The following CR1 variants were observed in gnomAD, a reference collection of about 807,000 sequenced individuals.
CR1 encodes complement receptor type 1.
Under a neutral mutation model 187.3 loss-of-function variants are expected in CR1, and 116 were observed. The observed-to-expected ratio is 0.62, with a 90% CI of 0.53 to 0.72. The LOEUF (loss-of-function observed/expected upper bound fraction) is 0.72. Ranked by LOEUF, CR1 falls within the 30% of genes least tolerant of loss-of-function variation. The probability of loss-of-function intolerance (pLI) is 0.00; values close to 1 mark genes in which losing one functional copy is unlikely to be tolerated. For missense variants in CR1, 1,731 were observed against 2,110.7 expected, an observed-to-expected ratio of 0.82 and a Z score of 3.52; for synonymous variants, 576 against 747.1, an observed-to-expected ratio of 0.77 and a Z score of 3.73.
chr1:207,573,434 T>C (rs528455882), intron 27 of CR1, among the ~76,000 whole-genome samples: 1 of 152,258 alleles, frequency 6.6e-6, no homozygotes, highest in African/African-American at 2.4e-5. Context: ...TTCCTGACTG[T>C]ACCCTACTCA....
intron 40 of CR1, 121 bp downstream of exon 40, chr1:207,614,610 C>T (rs1662041940): frequency 1.5e-6 from 1 of 688,438 alleles, no homozygotes; most frequent in Non-Finnish European, 2.4e-6. Context: ...GATAAAAATA[C>T]TTCTTTGTTG....
chr1:207,613,323 T>A (rs1006276977), intron 39 of CR1, among the ~76,000 whole-genome samples: 1 of 152,150 alleles, frequency 6.6e-6, no homozygotes, highest in African/African-American at 2.4e-5. Flanking sequence ...CTGTGCTGAT[T>A]GGTTTGTGAC....
At chr1:207,623,369 G>A (rs1037012672) in intron 45 of CR1, among the ~76,000 whole-genome samples, 9 of 152,080 alleles carry the variant, frequency 5.9e-5, no homozygotes, top group African/African-American at 2.2e-4. Flanking sequence ...ATCACTAGAG[G>A]CCAGGGGTTC....
intron 35 of CR1, among the ~76,000 whole-genome samples, chr1:207,589,834 T>C (rs1477563513): frequency 6.6e-6 from 1 of 152,186 alleles, no homozygotes; most frequent in African/African-American, 2.4e-5. Flanking sequence ...CAAGTATCAA[T>C]AGCCGAATCG....
chr1:207,524,187 G>C (rs151057565), intron 5 of CR1, among the ~76,000 whole-genome samples, 178 bp downstream of exon 5: 1 of 152,126 alleles, frequency 6.6e-6, no homozygotes, highest in African/African-American at 2.4e-5. Flanking sequence ...CTGAAATTGC[G>C]AAGCAAAGCT....
intron 41 of CR1, among the ~76,000 whole-genome samples, chr1:207,617,634 G>T (rs1346378602): frequency 5.3e-4 from 36 of 68,132 alleles, no homozygotes; most frequent in African/African-American, 1.2e-3. Context: ...GAGAGAGAGA[G>T]AGAGAGAGAG....
At chr1:207,600,094 T>C (rs1661563446) in intron 35 of CR1, among the ~76,000 whole-genome samples, 1 of 152,252 alleles carries the variant, frequency 6.6e-6, no homozygotes, top group Admixed American at 6.5e-5. Flanking sequence ...AGTGGAAAAA[T>C]AGCCCTAGAC....
chr1:207,631,616 C>A (rs1038461134), intron 46 of CR1, among the ~76,000 whole-genome samples: 4 of 152,184 alleles, frequency 2.6e-5, no homozygotes, highest in Admixed American at 6.5e-5. Context: ...TTGTTCAAAT[C>A]TTTACTGCAT....
At position 207,580,568 on chromosome 1, in the gene CR1, T is replaced by G. The variant is rs1325680043; in HGVS notation, c.5171T>G (p.Leu1724Arg). The stretch of plus-strand genomic sequence containing the variant: ...CCTCATGGCCGTGTGCTATTTCCAC[T>G]TAATCTCCAGCTTGGGGCAAAGGTG... ...QLPHGRVLFP[L>R]NLQLGAKVSF... Residue 1724 changes from leucine to arginine, a missense_variant, in exon 31 of 47, where the codon CTT becomes CGT. This residue lies in a region of CR1 where 1,312 missense variants were observed against 1,379.6 expected (regional missense o/e 0.95). Coordinates refer to ENST00000367049, the MANE Select transcript of CR1 (RefSeq NM_000651.6). 1 of 1,613,736 alleles carries G rather than the reference T, an allele frequency of 6.2e-7. No homozygotes were observed. Among genetic ancestry groups the G allele is most frequent in the East Asian group, 2.2e-5 (1 of 44,872 alleles).
intron 40 of CR1, among the ~76,000 whole-genome samples, chr1:207,615,924 A>G (rs11576522): frequency 0.48 from 72,656 of 152,106 alleles, 20,146 homozygotes; most frequent in Non-Finnish European, 0.62. Context: ...CTAAATTCAT[A>G]TCAAACTAGA....
chr1:207,496,459 T>C (rs1659088973), intron 1 of CR1, 71 bp downstream of exon 1: 2 of 1,483,802 alleles, frequency 1.3e-6, no homozygotes, highest in Non-Finnish European at 1.8e-6. Flanking sequence ...AGAACTCGCG[T>C]GCAGCGCTGA....
At chr1:207,622,446 G>A (rs774209470) in intron 44 of CR1, among the ~76,000 whole-genome samples, 6 of 152,156 alleles carry the variant, frequency 3.9e-5, no homozygotes, top group Non-Finnish European at 8.8e-5. Context: ...AATAAAGTTT[G>A]CTTCCAAGGG....
chr1:207,517,896 T>A (rs1659852447), intron 4 of CR1, among the ~76,000 whole-genome samples: 1 of 152,144 alleles, frequency 6.6e-6, no homozygotes, highest in African/African-American at 2.4e-5. Flanking sequence ...TTTCCTTGAT[T>A]AGTTTTACCG....
At chr1:207,587,317 G>A in intron 33 of CR1, 69 bp from the exon 34 acceptor site, 1 of 1,352,498 alleles carries the variant, frequency 7.4e-7, no homozygotes, top group Non-Finnish European at 1.0e-6. Context: ...CAGCTTAATT[G>A]AAGAGAAAGA....
intron 35 of CR1, among the ~76,000 whole-genome samples, chr1:207,595,210 C>G (rs1558255357): frequency 6.7e-6 from 1 of 149,074 alleles, no homozygotes; most frequent in Non-Finnish European, 1.5e-5. Context: ...CATCAAGGAC[C>G]AGACTTGAAA....
intron 32 of CR1, 101 bp downstream of exon 32, chr1:207,582,104 C>T (rs1294442389): frequency 2.3e-5 from 16 of 702,968 alleles, no homozygotes; most frequent in South Asian, 6.5e-5. Flanking sequence ...TGTTTGTGCC[C>T]GCTTTTGATA....
At chr1:207,525,585 A>T (rs1660141920) in intron 5 of CR1, among the ~76,000 whole-genome samples, 1 of 151,980 alleles carries the variant, frequency 6.6e-6, no homozygotes, top group African/African-American at 2.4e-5. Flanking sequence ...AGTAGAACAG[A>T]TTCTGCCATC....
chr1:207,504,284 T>C (rs947900376), intron 1 of CR1, among the ~76,000 whole-genome samples: 1 of 152,202 alleles, frequency 6.6e-6, no homozygotes, highest in Non-Finnish European at 1.5e-5. Flanking sequence ...TGTGTTTTAT[T>C]TGTCCCACAA....
intron 3 of CR1, among the ~76,000 whole-genome samples, chr1:207,510,925 G>A (rs914826388): frequency 1.3e-5 from 2 of 151,486 alleles, no homozygotes; most frequent in Non-Finnish European, 2.9e-5. Context: ...TGACTCAAGC[G>A]ATCTTCATGC....
Sources: gnomAD v4.1 joint callset for allele counts (sites outside exome capture counted in the v4.1 genomes callset) on GRCh38, gnomAD v4.1.1 for gene constraint, gnomAD v4.1.1 regional missense constraint, MANE v1.5 for transcripts, NCBI Gene and HGNC (gene_info 2026-07-23, HGNC 2026-07-21) for gene names.